COL4A3: variants seen among roughly 807,000 people sequenced by gnomAD.
COL4A3 encodes the protein collagen type IV alpha 3 chain.
In COL4A3, 135 loss-of-function variants were observed where a neutral mutation model predicts 217.4. That is an observed-to-expected ratio of 0.62 (90% CI 0.54 to 0.72). COL4A3 has a LOEUF of 0.72. Ranked by LOEUF, COL4A3 falls within the 30% of genes least tolerant of loss-of-function variation. The probability of loss-of-function intolerance (pLI) is 0.00; values close to 1 mark genes in which losing one functional copy is unlikely to be tolerated. For synonymous variants in COL4A3, 690 were observed against 736.3 expected, an observed-to-expected ratio of 0.94 and a Z score of 1.02; for missense variants, 1,868 against 2,119.9, an observed-to-expected ratio of 0.88 and a Z score of 2.33.
In COL4A3 at chr2:227,307,785, CGA is replaced by C. The variant is rs1301696262; in HGVS notation, c.4332_4333del (p.Gly1445LeufsTer64). Reference sequence around the variant, plus strand: ...AGTGGATCACCTGCAACCTGGACAACGAGAGGCTTTGTCTTCACCCGACACAG... The same window carrying C: ...AGTGGATCACCTGCAACCTGGACAACGAGGCTTTGTCTTCACCCGACACAG... On this transcript the variant is annotated frameshift_variant, in exon 48 of 52. Coordinates refer to ENST00000396578, the MANE Select transcript of COL4A3 (RefSeq NM_000091.5). LOFTEE classifies it high-confidence loss of function. 6.2e-7 allele frequency: 1 copy of C among 1,614,004 alleles called. No homozygotes were observed. Among genetic ancestry groups the C allele is most frequent in the Non-Finnish European group, 8.5e-7 (1 of 1,180,032 alleles).
chr2:227,284,279 A>T lies in COL4A3; in HGVS notation c.2815A>T (p.Lys939Ter). 1 of 1,614,158 alleles carries T rather than the reference A, an allele frequency of 6.2e-7. No homozygotes were observed. ...TPGAKGEQGDKGNPGPSEISH... is the reference protein window; with the variant it reads ...TPGAKGEQGD ...AGGAGCCAAGGGGGAACAAGGAGAT[A>T]AAGGAAATCCCGGGCCTTCAGAGAT... Residue 939 changes from lysine to a stop codon, truncating the protein, a stop_gained, in exon 34 of 52, where the codon AAA (lysine) becomes TAA (stop). Transcript: ENST00000396578. LOFTEE classifies it high-confidence loss of function.
At chr2:227,171,830 C>T (rs1410359029) in intron 1 of COL4A3, among the ~76,000 whole-genome samples, 1 of 152,154 alleles carries the variant, frequency 6.6e-6, no homozygotes, top group Admixed American at 6.5e-5. Flanking sequence ...AAGGAAAGTA[C>T]ACTTGGAAGA....
intron 1 of COL4A3, among the ~76,000 whole-genome samples, chr2:227,181,363 C>T (rs372470932): frequency 1.5e-3 from 229 of 152,290 alleles, no homozygotes; most frequent in South Asian, 0.01. Context: ...GTGATGCACT[C>T]TTTTACAGAA....
Position 227,312,070 on chromosome 2 carries a change from T to G in COL4A3, c.*200T>G. ...TGATCTGGGTCTCTAATCTGTGCTGTTTCAAAGTTCTCTGTGGCAAAGCAG... is the reference window on the plus strand; with the variant it reads ...TGATCTGGGTCTCTAATCTGTGCTGGTTCAAAGTTCTCTGTGGCAAAGCAG... On this transcript the variant is annotated 3_prime_UTR_variant, in exon 52 of 52. Coordinates refer to ENST00000396578, the MANE Select transcript of COL4A3 (RefSeq NM_000091.5). 2.2e-6 allele frequency: 2 copies of G among 923,606 alleles called. No homozygotes were observed. Among genetic ancestry groups the G allele is most frequent in the Non-Finnish European group, 3.2e-6 (2 of 628,642 alleles). 57.2% of individuals were successfully genotyped at this position (923,606 alleles called of 1,614,324 possible).
At position 227,293,062 on chromosome 2, in the gene COL4A3, G is replaced by A. The variant is rs1443372431; in HGVS notation, c.3211-129G>A. On this transcript the variant is annotated intron_variant, in intron 37 of 51. Coordinates refer to ENST00000396578, the MANE Select transcript of COL4A3 (RefSeq NM_000091.5). Reference sequence around the variant, plus strand: ...TCTTATTCCCAGCACCTATCACAGTGCTGGCAGATAGCAGATACTAATATG... The same window carrying A: ...TCTTATTCCCAGCACCTATCACAGTACTGGCAGATAGCAGATACTAATATG... 4.9e-6 allele frequency: 6 copies of A among 1,229,034 alleles called. No individual in the cohort carries two copies. The Admixed American group carries it at 8.1e-5, about 17-fold the overall frequency. The allele number at this position is 1,229,034 out of a possible 1,614,324, so 76.1% of individuals were successfully genotyped here.
chr2:227,258,255 C>T (rs894857543), intron 18 of COL4A3, among the ~76,000 whole-genome samples: 2 of 152,152 alleles, frequency 1.3e-5, no homozygotes, highest in South Asian at 2.1e-4. Context: ...GCAAGGCTGT[C>T]GTGAATGGTC....
rs11400067 is a variant in COL4A3 at position 227,245,307 on chromosome 2, TA to T, written c.324+321del. Among the ~76,000 whole-genome samples, 18 of 150,804 alleles carry T rather than the reference TA, an allele frequency of 1.2e-4. 1 individual carries two copies. The East Asian group carries it at 2.5e-3, about 21-fold the overall frequency. On this transcript the variant is annotated intron_variant, in intron 5 of 51. Transcript: ENST00000396578. ...CAACCAACTGTAGATCAAAAATATT[TA>T]AAAAAAAACAATAAAAATTGTACAA...
chr2:227,195,131 G>A (rs1468363545), intron 1 of COL4A3, among the ~76,000 whole-genome samples: 3 of 151,862 alleles, frequency 2.0e-5, no homozygotes, highest in Non-Finnish European at 2.9e-5. Context: ...TCAACAGTTC[G>A]GTGCATAGAG....
Position 227,307,768 on chromosome 2 carries a change from A to G in COL4A3, c.4311A>G (p.Ser1437=), listed in dbSNP as rs556622658. The change falls in exon 48 of 52, where the codon TCA becomes TCG. Residue 1437 remains serine, a synonymous_variant. Transcript: ENST00000396578. ...GLKGKRGDSG[S]PATWTTRGFV... is the part of the protein sequence containing the mutation. ...AAGGAAAACGTGGAGACAGTGGATC[A>G]CCTGCAACCTGGACAACGAGAGGCT... 6.2e-7 allele frequency: 1 copy of G among 1,614,170 alleles called. No individual in the cohort carries two copies. The highest frequency in any genetic ancestry group is 1.3e-5 in the African/African-American group (1 of 75,052).
In COL4A3 at chr2:227,207,002, A is replaced by G. The variant is rs547965313; in HGVS notation, c.88-30966A>G. On this transcript the variant is annotated intron_variant, in intron 1 of 51. Transcript: ENST00000396578. ...CTGTGTCACCACTTTTGTGGTTAAG[A>G]GGAAGCCCAGGAGACACCCTGGAAT... 1.8e-4 allele frequency among the ~76,000 whole-genome samples: 27 copies of G among 152,248 alleles called. No individual in the cohort carries two copies. The South Asian group carries it at 3.9e-3, about 22-fold the overall frequency.
chr2:227,237,687 C>A, intron 1 of COL4A3: 1 of 321,212 alleles, frequency 3.1e-6, no homozygotes, highest in East Asian at 7.4e-5. Context: ...AAAGTAATGG[C>A]AAAAACGGCC....
At chr2:227,192,775 C>T (rs1053336292) in intron 1 of COL4A3, among the ~76,000 whole-genome samples, 16 of 152,110 alleles carry the variant, frequency 1.1e-4, no homozygotes, top group Non-Finnish European at 1.6e-4. Context: ...CAATCCTTGA[C>T]GAATCGAGTC....
Position 227,290,058 on chromosome 2 carries a change from C to A in COL4A3, c.3040C>A (p.Pro1014Thr). ...TGGAGAACCAGGACTGCGTGGTATA[C>A]CAGGAAGCATGGGGAACATGGGCAT... ...NPGEPGLRGI[P>T]GSMGNMGMPG... The change falls in exon 36 of 52, where the codon CCA (proline) becomes ACA (threonine). Residue 1014 changes from proline to threonine, a missense_variant. Around this residue, in one of 2 missense-constraint regions of COL4A3, gnomAD observed 1,503 missense variants for 1,786.1 expected, o/e 0.84. Coordinates refer to ENST00000396578, the MANE Select transcript of COL4A3 (RefSeq NM_000091.5). 1.2e-6 allele frequency: 2 copies of A among 1,614,138 alleles called. No homozygotes were observed. The highest frequency in any genetic ancestry group is 8.5e-7 in the Non-Finnish European group (1 of 1,180,012).
Position 227,250,181 on chromosome 2 carries a change from C to T in COL4A3, c.547-959C>T, listed in dbSNP as rs955616331. Reference sequence around the variant, plus strand: ...CACAAAAATTAGCCAGGTGTGGTGGCGTGCGCCTGTAGTTCCAGCTACTTG... The same window carrying T: ...CACAAAAATTAGCCAGGTGTGGTGGTGTGCGCCTGTAGTTCCAGCTACTTG... On this transcript the variant is annotated intron_variant, in intron 9 of 51. Transcript: ENST00000396578. This position sits in a 1 kb window ranked among gnomAD's most constrained non-coding sequence, Gnocchi z 4.1. Among the ~76,000 whole-genome samples, 2 of 152,074 alleles carry T rather than the reference C, an allele frequency of 1.3e-5. No homozygotes were observed. The highest frequency in any genetic ancestry group is 2.9e-5 in the Non-Finnish European group (2 of 68,008).
chr2:227,193,775 A>AGG (rs1396909265), intron 1 of COL4A3, among the ~76,000 whole-genome samples: 1 of 35,314 alleles, frequency 2.8e-5, no homozygotes, highest in Non-Finnish European at 5.9e-5. Flanking sequence ...GAAGGAAGGA[A>AGG]GGAAGGAAGG....
chr2:227,206,564 G>A (rs919473387), intron 1 of COL4A3, among the ~76,000 whole-genome samples: 1 of 152,160 alleles, frequency 6.6e-6, no homozygotes, highest in Non-Finnish European at 1.5e-5. Context: ...AAGAGTAGGA[G>A]GAAATGGCTG....
At chr2:227,242,890 T>C (rs1559859175) in intron 3 of COL4A3, among the ~76,000 whole-genome samples, 1 of 152,162 alleles carries the variant, frequency 6.6e-6, no homozygotes, top group Non-Finnish European at 1.5e-5. Context: ...ACCATATCCA[T>C]GTATGTGTTC....
intron 34 of COL4A3, among the ~76,000 whole-genome samples, chr2:227,285,543 A>G (rs1036576462): frequency 1.6e-4 from 25 of 152,154 alleles, no homozygotes; most frequent in African/African-American, 5.5e-4. Flanking sequence ...ACTGGCACCA[A>G]TCTCCAGTCC....
intron 1 of COL4A3, among the ~76,000 whole-genome samples, chr2:227,172,752 A>G (rs1425224784): frequency 2.0e-5 from 3 of 151,856 alleles, no homozygotes; most frequent in Admixed American, 6.6e-5. Flanking sequence ...ACACCCGGCT[A>G]ATTTTTGTAT....
Sources: allele counts gnomAD v4.1 joint callset (sites outside exome capture counted in the v4.1 genomes callset), GRCh38; gene constraint gnomAD v4.1.1; regional missense constraint gnomAD v4.1.1; non-coding constraint Gnocchi (gnomAD v3.1); transcripts MANE v1.5; gene names NCBI Gene and HGNC (gene_info 2026-07-23, HGNC 2026-07-21).